FBXW8: variants seen among roughly 807,000 people sequenced by gnomAD.
FBXW8 encodes the protein F-box and WD repeat domain containing 8.
FBXW8 carries 57 observed loss-of-function variants against 65.3 expected under a neutral mutation model. The ratio of observed to expected loss-of-function variants is 0.87; its 90% CI spans 0.71 to 1.09. The LOEUF is 1.09. Among genes scored for constraint, FBXW8 ranks in the 50% least tolerant of loss-of-function variants. The probability of loss-of-function intolerance (pLI) is 0.00; values close to 1 mark genes in which losing one functional copy is unlikely to be tolerated. For missense variants in FBXW8, 777 were observed against 814.8 expected (o/e 0.95, Z 0.57); for synonymous variants, 308 against 330.2 (o/e 0.93, Z 0.73).
chr12:116,947,279 G>T (rs527739061), intron 3 of FBXW8, among the ~76,000 whole-genome samples: 3 of 152,212 alleles, frequency 2.0e-5, no homozygotes, highest in African/African-American at 7.2e-5. Context: ...GAACTGGAGC[G>T]GACTGCAGGC....
intron 4 of FBXW8, among the ~76,000 whole-genome samples, chr12:116,959,867 C>T (rs1883873078): frequency 6.6e-6 from 1 of 152,204 alleles, no homozygotes; most frequent in Admixed American, 6.5e-5. Context: ...TGGGAAAGCA[C>T]ACAGCTTCAC....
At chr12:116,992,375 A>T (rs1008347509) in intron 7 of FBXW8, among the ~76,000 whole-genome samples, 1 of 152,072 alleles carries the variant, frequency 6.6e-6, no homozygotes, top group Non-Finnish European at 1.5e-5. Flanking sequence ...TCATAGAAAA[A>T]AATAGCAACT....
chr12:116,923,130 T>C (rs11068237), intron 1 of FBXW8, among the ~76,000 whole-genome samples: 2 of 152,128 alleles, frequency 1.3e-5, no homozygotes, highest in Non-Finnish European at 2.9e-5. Context: ...CGCTTGAACC[T>C]GGGAGGCAGA....
chr12:117,024,144 C>T lies in FBXW8; in HGVS notation c.1368-3C>T. The T allele has an allele frequency of 6.2e-7, 1 of 1,612,930 alleles. No homozygotes were observed. Among genetic ancestry groups the T allele is most frequent in the Non-Finnish European group, 8.5e-7 (1 of 1,179,348 alleles). On this transcript the variant is annotated splice_polypyrimidine_tract_variant and splice_region_variant and intron_variant, in intron 8 of 10. Transcript: ENST00000652555. ...CTTCTCTGCTCTTCCTGGGCCTGTC[C>T]AGGGTGAGGATCCACGACCTCCGCA...
At chr12:117,027,601 A>G in intron 10 of FBXW8, 97 bp downstream of exon 10, 2 of 939,102 alleles carry the variant, frequency 2.1e-6, no homozygotes, top group Non-Finnish European at 3.4e-6. Flanking sequence ...CCTATGGGCT[A>G]TACCCTCAGG....
chr12:117,001,849 C>T (rs942161505), intron 7 of FBXW8, among the ~76,000 whole-genome samples: 3 of 152,308 alleles, frequency 2.0e-5, no homozygotes, highest in Admixed American at 2.0e-4. Context: ...ACCAGGTCTT[C>T]ATGATCACAT....
chr12:116,992,007 C>T (rs1312136933), intron 7 of FBXW8, among the ~76,000 whole-genome samples: 1 of 152,162 alleles, frequency 6.6e-6, no homozygotes, highest in African/African-American at 2.4e-5. Flanking sequence ...GTGTATTCAT[C>T]CCAAATACTG....
intron 1 of FBXW8, among the ~76,000 whole-genome samples, chr12:116,915,844 G>C (rs1393135944): frequency 2.6e-5 from 4 of 151,728 alleles, no homozygotes; most frequent in Admixed American, 2.6e-4. Flanking sequence ...GTAGAGATGG[G>C]GTTTCACTAT....
At chr12:117,008,342 A>C (rs918089428) in intron 7 of FBXW8, among the ~76,000 whole-genome samples, 1 of 152,210 alleles carries the variant, frequency 6.6e-6, no homozygotes, top group Non-Finnish European at 1.5e-5. Context: ...CCGATTTTAT[A>C]TAATTTTTAG....
chr12:116,996,241 G>A (rs575744649), intron 7 of FBXW8, among the ~76,000 whole-genome samples: 3 of 152,324 alleles, frequency 2.0e-5, no homozygotes, highest in South Asian at 2.1e-4. Flanking sequence ...GCTGGAATGC[G>A]TGTGACAAGG....
At chr12:117,015,998 A>G (rs1953939653) in intron 8 of FBXW8, among the ~76,000 whole-genome samples, 1 of 152,362 alleles carries the variant, frequency 6.6e-6, no homozygotes, top group Middle Eastern at 3.4e-3. Flanking sequence ...AAGTTGTAGC[A>G]TGTATCAGTA....
intron 8 of FBXW8, among the ~76,000 whole-genome samples, chr12:117,014,927 A>C (rs762130252): frequency 2.6e-5 from 4 of 152,116 alleles, no homozygotes; most frequent in African/African-American, 4.8e-5. Flanking sequence ...CCTATCCCTT[A>C]CAGTTCTCTG....
chr12:116,912,764 A>C (rs547063928), intron 1 of FBXW8, among the ~76,000 whole-genome samples: 1 of 152,304 alleles, frequency 6.6e-6, no homozygotes, highest in East Asian at 1.9e-4. Context: ...CGCCCGGCCG[A>C]GAATAATTCT....
intron 5 of FBXW8, among the ~76,000 whole-genome samples, chr12:116,970,104 G>A (rs979718999): frequency 6.6e-5 from 10 of 152,208 alleles, no homozygotes; most frequent in African/African-American, 2.2e-4. Flanking sequence ...CATCTGCTCC[G>A]TGCTTGCCTG....
At chr12:117,000,960 A>G (rs1174199668) in intron 7 of FBXW8, among the ~76,000 whole-genome samples, 2 of 152,180 alleles carry the variant, frequency 1.3e-5, no homozygotes, top group Non-Finnish European at 2.9e-5. Flanking sequence ...TTTGTTGCCC[A>G]TGTAATTTGG....
At chr12:117,026,853 C>T (rs1219100593) in intron 9 of FBXW8, among the ~76,000 whole-genome samples, 1 of 152,204 alleles carries the variant, frequency 6.6e-6, no homozygotes, top group Non-Finnish European at 1.5e-5. Flanking sequence ...TCAGAATGAA[C>T]GCAAACCTCT....
chr12:117,030,673 G>GCCCCT lies in FBXW8; in HGVS notation c.*2505_*2509dup, dbSNP rs1954338258. 1 of 152,112 alleles carries GCCCCT rather than the reference G, an allele frequency of 6.6e-6. No homozygotes were observed. Among genetic ancestry groups the GCCCCT allele is most frequent in the African/African-American group, 2.4e-5 (1 of 41,410 alleles). 9.4% of individuals were successfully genotyped at this position (152,112 alleles called of 1,614,324 possible). A position where few individuals can be genotyped will look rare whatever the true frequency, so the allele number is the denominator to read the frequency against. Reference sequence around the variant, plus strand: ...CCAGTGTAAAAATGTCCCAAGTGTAGCCCCTCCCACCGCAGAGCCTGTTTC... The same window carrying GCCCCT: ...CCAGTGTAAAAATGTCCCAAGTGTAGCCCCTCCCCTCCCACCGCAGAGCCTGTTTC... On this transcript the variant is annotated 3_prime_UTR_variant, in exon 11 of 11. Transcript: ENST00000652555.
chr12:117,008,216 T>A (rs1209315062), intron 7 of FBXW8, among the ~76,000 whole-genome samples: 3 of 152,218 alleles, frequency 2.0e-5, no homozygotes, highest in African/African-American at 4.8e-5. Context: ...AGGCCTTACC[T>A]TCCTGCTGCA....
intron 9 of FBXW8, among the ~76,000 whole-genome samples, chr12:117,025,653 C>A (rs1024149900): frequency 6.6e-6 from 1 of 152,232 alleles, no homozygotes; most frequent in Non-Finnish European, 1.5e-5. Context: ...GGCCCGCCCC[C>A]TCGCTGTGGC....
Sources: allele counts gnomAD v4.1 joint callset (sites outside exome capture counted in the v4.1 genomes callset), GRCh38; gene constraint gnomAD v4.1.1; transcripts MANE v1.5; gene names NCBI Gene and HGNC (gene_info 2026-07-23, HGNC 2026-07-21).